The following MCU variants were observed in gnomAD, a reference collection of about 807,000 sequenced individuals.
The protein encoded by MCU is calcium uniporter protein, mitochondrial.
In MCU, 12 loss-of-function variants were observed where a neutral mutation model predicts 45.2. The ratio of observed to expected loss-of-function variants is 0.27; its 90% CI spans 0.17 to 0.43. MCU has a LOEUF of 0.43. Among genes scored for constraint, MCU ranks in the 20% least tolerant of loss-of-function variants. MCU has a pLI of 1.00. For synonymous variants in MCU, 160 were observed against 165.1 expected, an observed-to-expected ratio of 0.97 and a Z score of 0.24; for missense variants, 324 against 436.7, an observed-to-expected ratio of 0.74 and a Z score of 2.30.
intron 1 of MCU, among the ~76,000 whole-genome samples, chr10:72,753,314 C>T (rs1284159982): frequency 1.3e-5 from 2 of 152,066 alleles, no homozygotes; most frequent in Admixed American, 1.3e-4. Context: ...ACTTGACATT[C>T]CATCATATTA....
chr10:72,860,622 A>G, intron 4 of MCU, 95 bp downstream of exon 4: 2 of 927,164 alleles, frequency 2.2e-6, no homozygotes, highest in Non-Finnish European at 3.4e-6. Context: ...AGAAACAGAC[A>G]GTATTCAAAG....
At chr10:72,774,689 G>A (rs1195720829) in intron 1 of MCU, among the ~76,000 whole-genome samples, 1 of 152,076 alleles carries the variant, frequency 6.6e-6, no homozygotes, top group Non-Finnish European at 1.5e-5. Context: ...AGCTGAAAGT[G>A]AAGGGTGGAA....
At chr10:72,801,316 A>G (rs1589467509) in intron 1 of MCU, among the ~76,000 whole-genome samples, 2 of 151,304 alleles carry the variant, frequency 1.3e-5, no homozygotes, top group South Asian at 2.1e-4. Context: ...CTCATTGATT[A>G]CATAATTTCC....
chr10:72,860,776 G>GT (rs1470589754), intron 4 of MCU, among the ~76,000 whole-genome samples: 1 of 152,118 alleles, frequency 6.6e-6, no homozygotes, highest in Non-Finnish European at 1.5e-5. Flanking sequence ...TTGTCACTCT[G>GT]TTTCACATAA....
At chr10:72,820,120 T>C (rs1844688415) in intron 1 of MCU, among the ~76,000 whole-genome samples, 1 of 152,212 alleles carries the variant, frequency 6.6e-6, no homozygotes, top group Non-Finnish European at 1.5e-5. Flanking sequence ...AAAATATCCG[T>C]TTACATTTCT....
At chr10:72,874,868 T>G (rs1218812152) in intron 6 of MCU, among the ~76,000 whole-genome samples, 2 of 152,222 alleles carry the variant, frequency 1.3e-5, no homozygotes, top group Non-Finnish European at 2.9e-5. Flanking sequence ...TTGTGGACTT[T>G]CCATTTCCTT....
At chr10:72,850,289 A>C (rs982183252) in intron 2 of MCU, among the ~76,000 whole-genome samples, 2 of 152,188 alleles carry the variant, frequency 1.3e-5, no homozygotes, top group South Asian at 4.1e-4. Context: ...TCTCACACTT[A>C]TGATGCAGAA....
chr10:72,805,106 T>TCTTTCTTCCTTC (rs1182664853), intron 1 of MCU, among the ~76,000 whole-genome samples: 2 of 94,662 alleles, frequency 2.1e-5, no homozygotes, highest in Admixed American at 1.1e-4. Context: ...TCTTTCTCTT[T>TCTTTCTTCCTTC]CTTTCTTTCT....
intron 1 of MCU, among the ~76,000 whole-genome samples, chr10:72,770,497 A>G (rs1329331288): frequency 1.3e-5 from 2 of 151,988 alleles, no homozygotes; most frequent in African/African-American, 4.8e-5. Flanking sequence ...TCTCAGTGCT[A>G]TTATTATTAA....
At chr10:72,724,494 A>G (rs59217559) in intron 1 of MCU, among the ~76,000 whole-genome samples, 9,033 of 152,146 alleles carry the variant, frequency 0.059, 902 homozygotes, top group African/African-American at 0.21. Context: ...TTTTAACTGC[A>G]TTTCTACCAC....
At chr10:72,881,728 T>C (rs1172070880) in intron 6 of MCU, among the ~76,000 whole-genome samples, 1 of 152,182 alleles carries the variant, frequency 6.6e-6, no homozygotes, top group Non-Finnish European at 1.5e-5. Flanking sequence ...GCACTTCTAA[T>C]AGAAGATATG....
At position 72,710,219 on chromosome 10, in the gene MCU, G is replaced by GC. The variant is rs1397849778; in HGVS notation, c.150+17924dup. On this transcript the variant is annotated intron_variant, in intron 1 of 7. Coordinates refer to ENST00000373053, the MANE Select transcript of MCU (RefSeq NM_138357.3). ...TCTTGATCTCCTGACCTCGTGATCT[G>GC]CCCCCCTCAGCCTCCCAAAGTGCTG... 9.9e-5 allele frequency among the ~76,000 whole-genome samples: 15 copies of GC among 152,184 alleles called. No individual in the cohort carries two copies. The South Asian group carries it at 2.7e-3, about 27-fold the overall frequency.
chr10:72,835,918 C>A (rs1330422298), intron 2 of MCU, among the ~76,000 whole-genome samples: 1 of 152,126 alleles, frequency 6.6e-6, no homozygotes, highest in African/African-American at 2.4e-5. Flanking sequence ...AGCCAGAGGA[C>A]CATAATGCCA....
rs113109013 is a variant in MCU at position 72,842,132 on chromosome 10, G to A, written c.220+7704G>A. 6.5e-3 allele frequency among the ~76,000 whole-genome samples: 995 copies of A among 152,250 alleles called. 9 individuals carry two copies. The highest frequency in any genetic ancestry group is 0.023 in the African/African-American group (952 of 41,534). On this transcript the variant is annotated intron_variant, in intron 2 of 7. Coordinates refer to ENST00000373053, the MANE Select transcript of MCU (RefSeq NM_138357.3). ...TCTCTACTAAAAATACAAAAAATTA[G>A]CTGGGCGTGGTGGCGCACACCTGTA...
chr10:72,885,804 A>C lies in MCU; in HGVS notation c.1038A>C (p.Gln346His), dbSNP rs769343948. 30 of 1,613,532 alleles carry C rather than the reference A, an allele frequency of 1.9e-5. No individual in the cohort carries two copies. In the Admixed American group the frequency reaches 2.8e-4, roughly 15 times the overall value. Reference protein sequence around the residue: ...DPLQVHLPLRQIGEKD With the variant: ...DPLQVHLPLRHIGEKD ...TACAAGTACATCTGCCTCTCCGACA[A>C]ATTGGTGAAAAAGATTGATCTGCAA... Residue 346 changes from glutamine to histidine, a missense_variant, in exon 8 of 8, where the codon CAA becomes CAC. Coordinates refer to ENST00000373053, the MANE Select transcript of MCU (RefSeq NM_138357.3).
At chr10:72,788,499 G>T (rs1175557078) in intron 1 of MCU, among the ~76,000 whole-genome samples, 2 of 152,190 alleles carry the variant, frequency 1.3e-5, no homozygotes, top group Non-Finnish European at 2.9e-5. Flanking sequence ...GGTAGTGCGT[G>T]CCTGTAGTCC....
chr10:72,823,130 T>C (rs1011276556), intron 1 of MCU, among the ~76,000 whole-genome samples: 1 of 152,180 alleles, frequency 6.6e-6, no homozygotes, highest in East Asian at 1.9e-4. Flanking sequence ...CATTGACTGA[T>C]GAGTGGATAA....
intron 1 of MCU, among the ~76,000 whole-genome samples, chr10:72,705,877 A>G (rs1842813321): frequency 6.6e-6 from 1 of 151,448 alleles, no homozygotes. Context: ...GCTACTTGGG[A>G]GGCTGAGGCA....
chr10:72,730,067 C>A (rs1481183875), intron 1 of MCU, among the ~76,000 whole-genome samples: 1 of 148,714 alleles, frequency 6.7e-6, no homozygotes, highest in Non-Finnish European at 1.5e-5. Context: ...TCAAGCAATT[C>A]TCCTGCCTCA....
Sources: allele counts gnomAD v4.1 joint callset (sites outside exome capture counted in the v4.1 genomes callset), GRCh38; gene constraint gnomAD v4.1.1; transcripts MANE v1.5; gene names NCBI Gene and HGNC (gene_info 2026-07-23, HGNC 2026-07-21).